Variants in ZC3HAV1 observed in about 807,000 individuals in gnomAD.
The protein encoded by ZC3HAV1 is zinc finger CCCH-type antiviral protein 1.
Under a neutral mutation model 86.6 loss-of-function variants are expected in ZC3HAV1, and 41 were observed. The ratio of observed to expected loss-of-function variants is 0.47; its 90% CI spans 0.37 to 0.61. The LOEUF (loss-of-function observed/expected upper bound fraction) is 0.61, where lower values mean the gene tolerates loss of function less well. Ranked by LOEUF, ZC3HAV1 falls within the 20% of genes least tolerant of loss-of-function variation. The probability of loss-of-function intolerance (pLI) is 0.00; values close to 1 mark genes in which losing one functional copy is unlikely to be tolerated. For synonymous variants in ZC3HAV1, 421 were observed against 432.1 expected, an observed-to-expected ratio of 0.97 and a Z score of 0.32; for missense variants, 964 against 1,141.1, an observed-to-expected ratio of 0.84 and a Z score of 2.24.
At chr7:139,071,470 A>T (rs1816771807) in intron 7 of ZC3HAV1, among the ~76,000 whole-genome samples, 1 of 152,170 alleles carries the variant, frequency 6.6e-6, no homozygotes, top group African/African-American at 2.4e-5. Flanking sequence ...TATCTTACTA[A>T]AAATTCCAAT....
At chr7:139,097,422 A>AT (rs1563140647) in intron 1 of ZC3HAV1, among the ~76,000 whole-genome samples, 4 of 79,518 alleles carry the variant, frequency 5.0e-5, no homozygotes, top group African/African-American at 3.1e-4. Context: ...ATATATATAT[A>AT]TATATATTTT....
chr7:139,073,009 T>C (rs185880670), intron 7 of ZC3HAV1, among the ~76,000 whole-genome samples: 61 of 152,186 alleles, frequency 4.0e-4, no homozygotes, highest in Admixed American at 3.9e-3. Context: ...AAATAATTAA[T>C]ATATGGCCGG....
intron 3 of ZC3HAV1, among the ~76,000 whole-genome samples, chr7:139,082,503 C>T (rs558395326): frequency 1.3e-5 from 2 of 152,092 alleles, no homozygotes; most frequent in Non-Finnish European, 2.9e-5. Flanking sequence ...TGATTATATA[C>T]CCCCGAGGAA....
chr7:139,072,237 G>C (rs1012292474), intron 7 of ZC3HAV1, among the ~76,000 whole-genome samples: 1 of 151,762 alleles, frequency 6.6e-6, no homozygotes, highest in Non-Finnish European at 1.5e-5. Context: ...CCAGACTGGA[G>C]TGCAGTGGTG....
chr7:139,098,523 C>T (rs2130732355), intron 1 of ZC3HAV1, among the ~76,000 whole-genome samples: 1 of 152,214 alleles, frequency 6.6e-6, no homozygotes, highest in Admixed American at 6.5e-5. Flanking sequence ...TTCCCAGTGC[C>T]AGGAGTGGTG....
chr7:139,079,418 G>T, intron 4 of ZC3HAV1, 52 bp downstream of exon 4: 2 of 1,613,558 alleles, frequency 1.2e-6, no homozygotes, highest in Admixed American at 1.7e-5. Flanking sequence ...AGAGCCATTT[G>T]GTATATCATG....
At chr7:139,053,925 C>G in intron 11 of ZC3HAV1, 40 bp downstream of exon 11, 1 of 1,585,330 alleles carries the variant, frequency 6.3e-7, no homozygotes, top group Non-Finnish European at 8.5e-7. Flanking sequence ...CTAATCCTTT[C>G]CGGTTTTATG....
At chr7:139,065,224 T>C (rs1046548591) in intron 7 of ZC3HAV1, among the ~76,000 whole-genome samples, 3 of 152,104 alleles carry the variant, frequency 2.0e-5, no homozygotes, top group African/African-American at 7.2e-5. Flanking sequence ...ACTACACACT[T>C]GGGGGAGGCC....
intron 7 of ZC3HAV1, among the ~76,000 whole-genome samples, chr7:139,071,852 A>G (rs1436038295): frequency 6.6e-6 from 1 of 152,176 alleles, no homozygotes; most frequent in East Asian, 1.9e-4. Context: ...ATCTGCTGCT[A>G]AGACAGTTTG....
intron 2 of ZC3HAV1, among the ~76,000 whole-genome samples, chr7:139,087,138 C>A (rs1817293113): frequency 6.6e-6 from 1 of 152,186 alleles, no homozygotes; most frequent in African/African-American, 2.4e-5. Flanking sequence ...GGATAGACCA[C>A]AAAACACCTT....
At chr7:139,053,319 C>T in intron 12 of ZC3HAV1, 132 bp downstream of exon 12, 1 of 1,096,720 alleles carries the variant, frequency 9.1e-7, no homozygotes, top group Non-Finnish European at 1.2e-6. Context: ...CGTGAGCTTA[C>T]TGTCTCTCCA....
At chr7:139,090,667 G>A (rs1325907053) in intron 1 of ZC3HAV1, among the ~76,000 whole-genome samples, 2 of 151,948 alleles carry the variant, frequency 1.3e-5, no homozygotes, top group South Asian at 4.2e-4. Context: ...GTTTGTCACT[G>A]GTAAATAGAA....
chr7:139,094,802 C>T (rs570708272), intron 1 of ZC3HAV1, among the ~76,000 whole-genome samples: 1 of 151,926 alleles, frequency 6.6e-6, no homozygotes, highest in Non-Finnish European at 1.5e-5. Flanking sequence ...GGTGGGAGCC[C>T]GGGTGATTCC....
intron 7 of ZC3HAV1, among the ~76,000 whole-genome samples, chr7:139,067,587 A>T (rs1240719402): frequency 6.6e-6 from 1 of 152,228 alleles, no homozygotes; most frequent in African/African-American, 2.4e-5. Flanking sequence ...GGAGTAGATG[A>T]TGAAAAATTA....
intron 2 of ZC3HAV1, among the ~76,000 whole-genome samples, chr7:139,085,713 G>C (rs780197915): frequency 2.8e-4 from 43 of 151,966 alleles, no homozygotes; most frequent in Non-Finnish European, 5.1e-4. Flanking sequence ...ATCCAAATCA[G>C]CCAGGCACAG....
Position 139,080,251 on chromosome 7 carries a change from G to GA in ZC3HAV1, c.698-9dup, listed in dbSNP as rs111326037. Reference sequence around the variant, plus strand: ...TACGATGTGAAGAAGGAGCTAAGGGGAAAAAAAGCCAAAATGAAACAAAAT... The same window carrying GA: ...TACGATGTGAAGAAGGAGCTAAGGGGAAAAAAAAGCCAAAATGAAACAAAAT... On this transcript the variant is annotated splice_polypyrimidine_tract_variant and intron_variant, in intron 3 of 12. Transcript: ENST00000242351. 6.2e-7 allele frequency: 1 copy of GA among 1,612,908 alleles called. No individual in the cohort carries two copies. Among genetic ancestry groups the GA allele is most frequent in the Non-Finnish European group, 8.5e-7 (1 of 1,179,670 alleles).
At chr7:139,101,008 G>A (rs1817742221) in intron 1 of ZC3HAV1, among the ~76,000 whole-genome samples, 1 of 152,240 alleles carries the variant, frequency 6.6e-6, no homozygotes, top group Non-Finnish European at 1.5e-5. Context: ...ACGCCTGACT[G>A]GTTTTCGTAT....
chr7:139,100,565 C>CA lies in ZC3HAV1; in HGVS notation c.308+8458dup, dbSNP rs1015709361. 5.3e-5 allele frequency among the ~76,000 whole-genome samples: 8 copies of CA among 150,646 alleles called. 1 individual carries two copies. In the East Asian group the frequency reaches 6.0e-4, roughly 11 times the overall value. ...AAACAAAAACAAAAACAAAAACAAACAAAAAAAACCACAGTGATACAATTT... is the reference window on the plus strand; with the variant it reads ...AAACAAAAACAAAAACAAAAACAAACAAAAAAAAACCACAGTGATACAATTT... On this transcript the variant is annotated intron_variant, in intron 1 of 12. Transcript: ENST00000242351.
chr7:139,097,496 G>A (rs1456852821), intron 1 of ZC3HAV1, among the ~76,000 whole-genome samples: 3 of 143,910 alleles, frequency 2.1e-5, no homozygotes, highest in Non-Finnish European at 4.5e-5. Context: ...GTGCAGTGGC[G>A]CGATCTCGGC....
Sources: gnomAD v4.1 joint callset for allele counts (sites outside exome capture counted in the v4.1 genomes callset) on GRCh38, gnomAD v4.1.1 for gene constraint, MANE v1.5 for transcripts, NCBI Gene and HGNC (gene_info 2026-07-23, HGNC 2026-07-21) for gene names.